Variants in LINGO2 observed in about 807,000 individuals in gnomAD.
LINGO2 encodes leucine rich repeat and Ig domain containing 2, also known as leucine-rich repeat and immunoglobulin-like domain-containing nogo receptor-interacting protein 2.
A neutral mutation model predicts 30.6 loss-of-function variants in LINGO2; 14 were observed. The observed-to-expected ratio is 0.46, with a 90% CI of 0.30 to 0.72. The LOEUF (loss-of-function observed/expected upper bound fraction) is 0.72, where lower values mean the gene tolerates loss of function less well. LINGO2 is among the 30% of genes least tolerant of loss of function. LINGO2 has a pLI of 0.07. For missense variants in LINGO2, 729 were observed against 751.7 expected, an observed-to-expected ratio of 0.97 and a Z score of 0.35; for synonymous variants, 317 against 288.5, an observed-to-expected ratio of 1.10 and a Z score of -1.00.
At chr9:28,498,105 AG>A (rs1158443306) in intron 1 of LINGO2, among the ~76,000 whole-genome samples, 1 of 152,192 alleles carries the variant, frequency 6.6e-6, no homozygotes, top group African/African-American at 2.4e-5. Context: ...CTTGGGGGTC[AG>A]GGACCCACTT....
chr9:28,991,667 TCGG>T, the LINGO2 span, among the ~76,000 whole-genome samples: 28 of 150,934 alleles, frequency 1.9e-4, no homozygotes, highest in African/African-American at 6.3e-4. Flanking sequence ...AGCGGATCTC[TCGG>T]CAGAAACTCT....
At chr9:28,396,465 G>A (rs1822045012) in intron 2 of LINGO2, among the ~76,000 whole-genome samples, 1 of 152,056 alleles carries the variant, frequency 6.6e-6, no homozygotes, top group African/African-American at 2.4e-5. Flanking sequence ...AGCACTTTGG[G>A]AGGCCGAGGC....
the LINGO2 span, among the ~76,000 whole-genome samples, chr9:29,085,352 C>T: frequency 7.1e-6 from 1 of 140,118 alleles, no homozygotes; most frequent in Admixed American, 7.3e-5. Flanking sequence ...TGTTTGCTGT[C>T]TTAAGAAAGA....
chr9:28,945,202 T>C, the LINGO2 span, among the ~76,000 whole-genome samples: 1 of 152,220 alleles, frequency 6.6e-6, no homozygotes, highest in East Asian at 1.9e-4. Context: ...TAAATCTATT[T>C]GTATTAATCT....
At chr9:28,417,119 T>C (rs545487683) in intron 2 of LINGO2, among the ~76,000 whole-genome samples, 39 of 152,294 alleles carry the variant, frequency 2.6e-4, no homozygotes, top group Middle Eastern at 3.4e-3. Flanking sequence ...TTCAGTTATA[T>C]ATTGCTGTGG....
At chr9:28,713,115 C>T in the LINGO2 span, among the ~76,000 whole-genome samples, 1 of 152,104 alleles carries the variant, frequency 6.6e-6, no homozygotes, top group East Asian at 1.9e-4. Context: ...CAACCCGCCT[C>T]GGCCTCCTAA....
In LINGO2 at chr9:28,198,369, A is replaced by C. The variant is rs569233476; in HGVS notation, c.-87+96839T>G. Among the ~76,000 whole-genome samples the C allele has an allele frequency of 9.7e-4, 148 of 152,242 alleles. 1 individual carries two copies. Among genetic ancestry groups the C allele is most frequent in the African/African-American group, 3.5e-3 (145 of 41,566 alleles). On this transcript the variant is annotated intron_variant, in intron 4 of 5. Coordinates refer to ENST00000379992, the Ensembl canonical transcript of LINGO2. The stretch of plus-strand genomic sequence containing the variant: ...ACCACATGCTTGGATATGCACAGAT[A>C]CTCTCTGGATAAATATACTGTATAG...
chr9:28,537,628 T>C (rs1007584861), intron 1 of LINGO2, among the ~76,000 whole-genome samples: 3 of 151,490 alleles, frequency 2.0e-5, no homozygotes, highest in African/African-American at 7.3e-5. Context: ...TTTAGTAAAC[T>C]AAAAAACAGA....
At chr9:28,988,649 G>A in the LINGO2 span, among the ~76,000 whole-genome samples, 2 of 152,142 alleles carry the variant, frequency 1.3e-5, no homozygotes, top group Admixed American at 6.6e-5. Context: ...TATTCCCCAT[G>A]GGGTAAGACC....
chr9:28,502,504 C>G (rs781109869), intron 1 of LINGO2, among the ~76,000 whole-genome samples: 5 of 151,892 alleles, frequency 3.3e-5, no homozygotes, highest in Non-Finnish European at 5.9e-5. Context: ...CTCAGTGTGC[C>G]CCAAAATGAA....
intron 1 of LINGO2, among the ~76,000 whole-genome samples, chr9:28,514,713 G>A (rs1270102248): frequency 6.6e-6 from 1 of 152,178 alleles, no homozygotes; most frequent in African/African-American, 2.4e-5. Context: ...GAAACATCAA[G>A]TACTGATAAA....
chr9:28,277,251 G>C (rs1418992959), intron 4 of LINGO2, among the ~76,000 whole-genome samples: 2 of 152,048 alleles, frequency 1.3e-5, no homozygotes, highest in Admixed American at 1.3e-4. Context: ...AGTGATCTGT[G>C]ATCGATGCTT....
intron 4 of LINGO2, among the ~76,000 whole-genome samples, chr9:28,085,503 G>A (rs1825883436): frequency 6.6e-6 from 1 of 152,080 alleles, no homozygotes; most frequent in African/African-American, 2.4e-5. Flanking sequence ...GTTTATCACT[G>A]ATGAAATGCA....
Position 28,466,646 on chromosome 9 carries a change from C to T in LINGO2, c.-279+9294G>A, listed in dbSNP as rs117056498. ...GGATAGATGCTTGAGGTGATAGATA[C>T]CCCATTTACTCTGATGTGACTATGA... On this transcript the variant is annotated intron_variant, in intron 2 of 5. Transcript: ENST00000379992. Among the ~76,000 whole-genome samples the T allele has an allele frequency of 6.5e-3, 994 of 152,044 alleles. 42 individuals carry two copies. The East Asian group carries it at 0.094, about 14-fold the overall frequency.
chr9:28,140,560 G>A (rs1008116330), intron 4 of LINGO2, among the ~76,000 whole-genome samples: 8 of 152,314 alleles, frequency 5.3e-5, no homozygotes, highest in Non-Finnish European at 8.8e-5. Flanking sequence ...CTTTGCCCAT[G>A]AAGTTTTCTC....
intron 2 of LINGO2, among the ~76,000 whole-genome samples, chr9:28,443,854 C>A (rs970407303): frequency 2.0e-5 from 3 of 152,130 alleles, no homozygotes; most frequent in Admixed American, 1.3e-4. Flanking sequence ...TCTGGTGGAA[C>A]CTCACCTTCA....
intron 2 of LINGO2, among the ~76,000 whole-genome samples, chr9:28,425,505 A>G (rs1229840219): frequency 6.6e-6 from 1 of 152,016 alleles, no homozygotes; most frequent in Non-Finnish European, 1.5e-5. Context: ...GCCTGGCACT[A>G]AAGCTCATGC....
Position 28,659,838 on chromosome 9 carries a change from C to T in LINGO2, c.-365+10362G>A, listed in dbSNP as rs148781902. Among the ~76,000 whole-genome samples, 497 of 152,104 alleles carry T rather than the reference C, an allele frequency of 3.3e-3. 5 individuals are homozygous for T. The highest frequency in any genetic ancestry group is 0.011 in the African/African-American group (445 of 41,504). ...ACAAAATAAAATAACTGGTAACTTA[C>T]AATCATATACTTAAAAAAATGGCTT... On this transcript the variant is annotated intron_variant, in intron 1 of 5. Coordinates refer to ENST00000379992, the Ensembl canonical transcript of LINGO2.
chr9:29,102,177 G>T, the LINGO2 span, among the ~76,000 whole-genome samples: 1 of 151,910 alleles, frequency 6.6e-6, no homozygotes, highest in Admixed American at 6.6e-5. Context: ...CGCCTCCGGG[G>T]TTCACGCCAT....
Sources: gnomAD v4.1 joint callset for allele counts (sites outside exome capture counted in the v4.1 genomes callset) on GRCh38, gnomAD v4.1.1 for gene constraint, MANE v1.5 for transcripts, NCBI Gene and HGNC (gene_info 2026-07-23, HGNC 2026-07-21) for gene names.